Variants in UBE2R2 observed in about 807,000 individuals in gnomAD.
UBE2R2 encodes the protein ubiquitin-conjugating enzyme E2 R2.
Under a neutral mutation model 27.8 loss-of-function variants are expected in UBE2R2, and 1 was observed. That is an observed-to-expected ratio of 0.04 (90% CI 0.01 to 0.17). The LOEUF is 0.17. Ranked by LOEUF, UBE2R2 falls within the 10% of genes least tolerant of loss-of-function variation. The pLI, the probability that UBE2R2 is intolerant of heterozygous loss-of-function variation, is 1.00. For synonymous variants in UBE2R2, 106 were observed against 113.3 expected, an observed-to-expected ratio of 0.94 and a Z score of 0.41; for missense variants, 100 against 291.0, an observed-to-expected ratio of 0.34 and a Z score of 4.78.
intron 1 of UBE2R2, among the ~76,000 whole-genome samples, chr9:33,865,044 A>G (rs1821329702): frequency 6.7e-6 from 1 of 149,900 alleles, no homozygotes; most frequent in African/African-American, 2.5e-5. Context: ...ATGTTTTTGT[A>G]GAGATGGGGT....
At chr9:33,865,929 T>G (rs116953740) in intron 1 of UBE2R2, among the ~76,000 whole-genome samples, 2,553 of 151,754 alleles carry the variant, frequency 0.017, 35 homozygotes, top group Non-Finnish European at 0.024. Context: ...CGTCCCAGGT[T>G]CTAGTGATTG....
chr9:33,887,663 T>C (rs1821892313), intron 2 of UBE2R2, among the ~76,000 whole-genome samples: 3 of 151,846 alleles, frequency 2.0e-5, no homozygotes, highest in Middle Eastern at 6.8e-3. Context: ...TGTTTGTTTG[T>C]TTGTTTGTTT....
rs897319983 is a variant in UBE2R2 at position 33,918,610 on chromosome 9, C to T, written c.*1373C>T. On this transcript the variant is annotated 3_prime_UTR_variant, in exon 5 of 5. Coordinates refer to ENST00000263228, the MANE Select transcript of UBE2R2 (RefSeq NM_017811.4). ...GCAGCCTTCACCATCCAGGAGACTT[C>T]AGAACTTGAAGGTAATTTTTGGTTG... The T allele has an allele frequency of 6.6e-6, 1 of 152,378 alleles. No individual in the cohort carries two copies. Among genetic ancestry groups the T allele is most frequent in the African/African-American group, 2.4e-5 (1 of 41,400 alleles). 9.4% of individuals were successfully genotyped at this position (152,378 alleles called of 1,614,324 possible).
At chr9:33,871,740 T>C (rs534414282) in intron 1 of UBE2R2, among the ~76,000 whole-genome samples, 8 of 152,224 alleles carry the variant, frequency 5.3e-5, no homozygotes, top group Admixed American at 2.6e-4. Context: ...AGACGGAGTC[T>C]CGCTCTGTCG....
intron 1 of UBE2R2, among the ~76,000 whole-genome samples, chr9:33,838,717 C>A (rs943294299): frequency 6.6e-6 from 1 of 152,134 alleles, no homozygotes; most frequent in Non-Finnish European, 1.5e-5. Context: ...TTACCTCCTT[C>A]TTGTCCTTTG....
At chr9:33,905,124 A>C (rs924167864) in intron 3 of UBE2R2, among the ~76,000 whole-genome samples, 8 of 152,194 alleles carry the variant, frequency 5.3e-5, no homozygotes, top group African/African-American at 1.4e-4. Context: ...GGGATGGTGA[A>C]GTGGTCTTGG....
chr9:33,897,478 C>T (rs1301141323), intron 2 of UBE2R2, among the ~76,000 whole-genome samples: 22 of 150,434 alleles, frequency 1.5e-4, no homozygotes, highest in East Asian at 8.0e-4. Context: ...CCACCACGCC[C>T]GGCTAATTTT....
chr9:33,876,787 G>A (rs1436571803), intron 1 of UBE2R2, among the ~76,000 whole-genome samples: 2 of 152,012 alleles, frequency 1.3e-5, no homozygotes, highest in Non-Finnish European at 2.9e-5. Flanking sequence ...ATGGTGGAGG[G>A]CGCCTCTAGT....
intron 1 of UBE2R2, among the ~76,000 whole-genome samples, chr9:33,885,764 T>C (rs1221369524): frequency 6.6e-6 from 1 of 152,232 alleles, no homozygotes; most frequent in Non-Finnish European, 1.5e-5. Flanking sequence ...CTGGTTATTT[T>C]CTGGAATTCT....
chr9:33,886,872 T>C lies in UBE2R2; in HGVS notation c.178-9T>C, dbSNP rs1325033478. On this transcript the variant is annotated splice_polypyrimidine_tract_variant and intron_variant, in intron 1 of 4. Transcript: ENST00000263228. Reference sequence around the variant, plus strand: ...TCATTTATTAGCATTTCATTTTTTTTCTTTTCAGGCGCATATTAAATTTCC... The same window carrying C: ...TCATTTATTAGCATTTCATTTTTTTCCTTTTCAGGCGCATATTAAATTTCC... 1 of 1,573,708 alleles carries C rather than the reference T, an allele frequency of 6.4e-7. No individual in the cohort carries two copies. Among genetic ancestry groups the C allele is most frequent in the Non-Finnish European group, 8.6e-7 (1 of 1,168,830 alleles).
intron 1 of UBE2R2, among the ~76,000 whole-genome samples, chr9:33,839,181 T>G (rs1820678492): frequency 6.6e-6 from 1 of 152,128 alleles, no homozygotes; most frequent in South Asian, 2.1e-4. Flanking sequence ...AGGTCTGGCT[T>G]TTGGGAGGTG....
At chr9:33,866,052 G>C (rs375406097) in intron 1 of UBE2R2, among the ~76,000 whole-genome samples, 1 of 151,404 alleles carries the variant, frequency 6.6e-6, no homozygotes, top group Non-Finnish European at 1.5e-5. Context: ...GGCTAGTCTC[G>C]AACTCCTGAC....
chr9:33,900,456 C>T (rs140635353), intron 3 of UBE2R2, among the ~76,000 whole-genome samples, 185 bp downstream of exon 3: 1,936 of 152,202 alleles, frequency 0.013, 20 homozygotes, highest in South Asian at 0.052. Flanking sequence ...ATTTACTAAA[C>T]AATAATGTAT....
At chr9:33,846,008 T>C (rs1296278520) in intron 1 of UBE2R2, among the ~76,000 whole-genome samples, 1 of 151,732 alleles carries the variant, frequency 6.6e-6, no homozygotes, top group Non-Finnish European at 1.5e-5. Context: ...TACCTGTAGT[T>C]CCAGCTACTC....
At chr9:33,894,039 A>G (rs1822043358) in intron 2 of UBE2R2, among the ~76,000 whole-genome samples, 1 of 152,010 alleles carries the variant, frequency 6.6e-6, no homozygotes, top group Non-Finnish European at 1.5e-5. Context: ...ATGGACTGCC[A>G]AATTTTTTCT....
intron 1 of UBE2R2, among the ~76,000 whole-genome samples, chr9:33,852,093 T>C (rs1022490497): frequency 1.3e-5 from 2 of 151,910 alleles, no homozygotes; most frequent in East Asian, 1.9e-4. Context: ...TGAGGACTGC[T>C]GAGACCAGGA....
chr9:33,829,793 G>GTTT (rs36079457), intron 1 of UBE2R2, among the ~76,000 whole-genome samples: 50 of 97,110 alleles, frequency 5.1e-4, no homozygotes, highest in African/African-American at 1.0e-3. Flanking sequence ...TAGTGCAATC[G>GTTT]TTTTTTTTTT....
intron 1 of UBE2R2, among the ~76,000 whole-genome samples, chr9:33,873,788 A>G (rs1321302205): frequency 2.0e-5 from 3 of 151,994 alleles, no homozygotes; most frequent in African/African-American, 7.2e-5. Flanking sequence ...GGCTCAAGCC[A>G]TCATGCCTGG....
At chr9:33,865,192 CTCTATCTA>C (rs57240208) in intron 1 of UBE2R2, among the ~76,000 whole-genome samples, 9 of 151,174 alleles carry the variant, frequency 6.0e-5, no homozygotes, top group African/African-American at 2.2e-4. Flanking sequence ...CTGTCTCTCT[CTCTATCTA>C]TCTATCTATC....
Sources: gnomAD v4.1 joint callset for allele counts (sites outside exome capture counted in the v4.1 genomes callset) on GRCh38, gnomAD v4.1.1 for gene constraint, MANE v1.5 for transcripts, NCBI Gene and HGNC (gene_info 2026-07-23, HGNC 2026-07-21) for gene names.